The following CACNB2 variants were observed in gnomAD, a reference collection of about 807,000 sequenced individuals.
CACNB2 encodes the protein voltage-dependent L-type calcium channel subunit beta-2.
A neutral mutation model predicts 73.3 loss-of-function variants in CACNB2; 42 were observed. That is an observed-to-expected ratio of 0.57 (90% CI 0.45 to 0.74). The LOEUF (loss-of-function observed/expected upper bound fraction) is 0.74, where lower values mean the gene tolerates loss of function less well. CACNB2 is among the 30% of genes least tolerant of loss of function. The probability of loss-of-function intolerance (pLI) is 0.00; values close to 1 mark genes in which losing one functional copy is unlikely to be tolerated. For synonymous variants in CACNB2, 348 were observed against 310.3 expected (o/e 1.12, Z -1.28); for missense variants, 940 against 853.0 (o/e 1.10, Z -1.27).
At chr10:18,386,399 A>ATTTTTTTTTTT (rs10637329) in intron 2 of CACNB2, among the ~76,000 whole-genome samples, 15 of 106,518 alleles carry the variant, frequency 1.4e-4, no homozygotes, top group South Asian at 6.4e-4. Context: ...TTTATTTATG[A>ATTTTTTTTTTT]TTTTTTTTTT....
intron 6 of CACNB2, among the ~76,000 whole-genome samples, chr10:18,508,519 G>T (rs935067199): frequency 3.3e-5 from 5 of 152,134 alleles, no homozygotes; most frequent in Admixed American, 2.0e-4. Context: ...AGTGGAAAAA[G>T]ACTATGTCAC....
chr10:18,426,680 A>G (rs909295486), intron 3 of CACNB2, among the ~76,000 whole-genome samples: 1 of 152,200 alleles, frequency 6.6e-6, no homozygotes, highest in Non-Finnish European at 1.5e-5. Context: ...TCTATAAAAA[A>G]ATTAAAAATA....
At chr10:18,222,694 T>G (rs7893163) in intron 2 of CACNB2, among the ~76,000 whole-genome samples, 94,157 of 151,696 alleles carry the variant, frequency 0.62, 30,266 homozygotes, top group Non-Finnish European at 0.71. Flanking sequence ...CCCAGCACTT[T>G]GGGAGGCCGA....
At chr10:18,457,115 C>A (rs1368156576) in intron 3 of CACNB2, among the ~76,000 whole-genome samples, 1 of 152,054 alleles carries the variant, frequency 6.6e-6, no homozygotes, top group Non-Finnish European at 1.5e-5. Context: ...TATGTTTAGA[C>A]AGAGTTTCAC....
chr10:18,392,797 A>G (rs915476531), intron 2 of CACNB2, among the ~76,000 whole-genome samples: 12 of 152,134 alleles, frequency 7.9e-5, no homozygotes, highest in African/African-American at 2.7e-4. Context: ...TTCTGCAGCT[A>G]TGTATTGAGA....
At position 18,498,610 on chromosome 10, in the gene CACNB2, A is replaced by G. The variant is rs569517741; in HGVS notation, c.456+133A>G. 8 of 895,094 alleles carry G rather than the reference A, an allele frequency of 8.9e-6. No individual in the cohort carries two copies. The South Asian group carries it at 1.1e-4, about 12-fold the overall frequency. The allele number at this position is 895,094 out of a possible 1,614,324, so 55.4% of individuals were successfully genotyped here. On this transcript the variant is annotated intron_variant, in intron 4 of 13. Transcript: ENST00000324631. ...GCAGTTGTATAACACACATAACTAAATCAATGGCTCTCAACCTCTGCTAAT... is the reference window on the plus strand; with the variant it reads ...GCAGTTGTATAACACACATAACTAAGTCAATGGCTCTCAACCTCTGCTAAT...
chr10:18,220,110 AATATATATATATATATATAT>A lies in CACNB2; in HGVS notation c.213+69161_213+69180del, dbSNP rs1165921150. On this transcript the variant is annotated intron_variant, in intron 2 of 13. Coordinates refer to ENST00000324631, the MANE Select transcript of CACNB2 (RefSeq NM_201596.3). ...TCCTCTTCTCCTTTTTTTATTTTTTAATATATATATATATATATATATATATATATATATATATATATATA... is the reference window on the plus strand; with the variant it reads ...TCCTCTTCTCCTTTTTTTATTTTTTAATATATATATATATATATATATATA... Among the ~76,000 whole-genome samples the A allele has an allele frequency of 2.5e-3, 82 of 32,754 alleles. 3 individuals carry two copies. Among genetic ancestry groups the A allele is most frequent in the Non-Finnish European group, 3.3e-3 (65 of 19,746 alleles). 21.5% of individuals were successfully genotyped at this position (32,754 alleles called of 152,430 possible).
At chr10:18,436,741 C>T (rs530531868) in intron 3 of CACNB2, among the ~76,000 whole-genome samples, 1 of 152,158 alleles carries the variant, frequency 6.6e-6, no homozygotes, top group Admixed American at 6.5e-5. Context: ...TACAACTGAA[C>T]AAAAATAAAT....
intron 2 of CACNB2, among the ~76,000 whole-genome samples, chr10:18,155,682 A>G (rs1202271332): frequency 6.6e-6 from 1 of 152,152 alleles, no homozygotes; most frequent in Non-Finnish European, 1.5e-5. Flanking sequence ...GCAGTGGGTG[A>G]TGGTTTCAGT....
At chr10:18,400,816 T>TAAAC in intron 2 of CACNB2, 1 of 1,442,032 alleles carries the variant, frequency 6.9e-7, no homozygotes, top group South Asian at 1.5e-5. Context: ...CTCGAGTGTG[T>TAAAC]GTTTTCAGCC....
intron 6 of CACNB2, among the ~76,000 whole-genome samples, chr10:18,510,520 C>T (rs2050708657): frequency 1.3e-5 from 2 of 152,172 alleles, no homozygotes; most frequent in Non-Finnish European, 2.9e-5. Flanking sequence ...CCAGGTTGGC[C>T]TCGAATTCCT....
intron 2 of CACNB2, among the ~76,000 whole-genome samples, chr10:18,177,106 A>G (rs2033638468): frequency 6.6e-6 from 1 of 152,114 alleles, no homozygotes; most frequent in Non-Finnish European, 1.5e-5. Flanking sequence ...TAGCAAGGAG[A>G]ACATACAGAA....
intron 2 of CACNB2, among the ~76,000 whole-genome samples, chr10:18,201,321 C>CTGGA (rs1442403348): frequency 6.8e-6 from 1 of 148,148 alleles, no homozygotes; most frequent in Non-Finnish European, 1.5e-5. Flanking sequence ...GTCAGCCAGG[C>CTGGA]TGGAGTACAG....
At chr10:18,318,142 AC>A (rs2040263756) in intron 2 of CACNB2, among the ~76,000 whole-genome samples, 1 of 152,240 alleles carries the variant, frequency 6.6e-6, no homozygotes, top group Non-Finnish European at 1.5e-5. Flanking sequence ...TTCATATGGA[AC>A]CAAAAAAGAG....
chr10:18,270,637 T>C (rs757289182), intron 2 of CACNB2, among the ~76,000 whole-genome samples: 10 of 152,292 alleles, frequency 6.6e-5, no homozygotes, highest in African/African-American at 1.7e-4. Context: ...CCCAGTGGCA[T>C]TGAATTTCAT....
chr10:18,286,261 A>T (rs1016257704), intron 2 of CACNB2, among the ~76,000 whole-genome samples: 1 of 152,180 alleles, frequency 6.6e-6, no homozygotes, highest in South Asian at 2.1e-4. Context: ...TCACGCCTGT[A>T]ATCCCAGCAC....
At position 18,257,060 on chromosome 10, in the gene CACNB2, C is replaced by T. The variant is rs776313279; in HGVS notation, c.213+106085C>T. ...TGTCTCTTTCTTGGTGTAGTCCAAA[C>T]GTAAACACTATTGGGCCAATATGGC... is the stretch of plus-strand genomic sequence containing the variant. On this transcript the variant is annotated intron_variant, in intron 2 of 13. Coordinates refer to ENST00000324631, the MANE Select transcript of CACNB2 (RefSeq NM_201596.3). 11 of 152,344 alleles carry T rather than the reference C, an allele frequency of 7.2e-5. No individual in the cohort carries two copies. In the East Asian group the frequency reaches 1.4e-3, roughly 19 times the overall value. The allele number at this position is 152,344 out of a possible 1,614,324, so 9.4% of individuals were successfully genotyped here. A position where few individuals can be genotyped will look rare whatever the true frequency, so the allele number is the denominator to read the frequency against.
In CACNB2 at chr10:18,354,463, G is replaced by A. The variant is rs142534134; in HGVS notation, c.214-47461G>A. Among the ~76,000 whole-genome samples, 512 of 152,264 alleles carry A rather than the reference G, an allele frequency of 3.4e-3. 5 individuals are homozygous for A. The highest frequency in any genetic ancestry group is 0.012 in the African/African-American group (482 of 41,544). ...TCCTGGGGAGAGAAACATGGCAGCC[G>A]AGCGCAAGACAGTTATGGTGGGGCC... is the stretch of plus-strand genomic sequence containing the variant. On this transcript the variant is annotated intron_variant, in intron 2 of 13. Coordinates refer to ENST00000324631, the MANE Select transcript of CACNB2 (RefSeq NM_201596.3).
chr10:18,492,756 G>A (rs533305633), intron 3 of CACNB2, among the ~76,000 whole-genome samples: 3 of 152,240 alleles, frequency 2.0e-5, no homozygotes, highest in East Asian at 1.9e-4. Flanking sequence ...CTTTAACAGC[G>A]AGTTAGTTTG....
Sources: gnomAD v4.1 joint callset for allele counts (sites outside exome capture counted in the v4.1 genomes callset) on GRCh38, gnomAD v4.1.1 for gene constraint, MANE v1.5 for transcripts, NCBI Gene and HGNC (gene_info 2026-07-23, HGNC 2026-07-21) for gene names.